Variants in MYO18B observed in about 807,000 individuals in gnomAD.
MYO18B encodes the protein myosin XVIIIB.
A neutral mutation model predicts 273.0 loss-of-function variants in MYO18B; 204 were observed. That is an observed-to-expected ratio of 0.75 (90% CI 0.67 to 0.84). The LOEUF (loss-of-function observed/expected upper bound fraction) is 0.84, where lower values mean the gene tolerates loss of function less well. Among genes scored for constraint, MYO18B ranks in the 40% least tolerant of loss-of-function variants. The pLI is 0.00. For synonymous variants in MYO18B, 1,330 were observed against 1,305.7 expected (o/e 1.02, Z -0.40); for missense variants, 3,212 against 3,287.6 (o/e 0.98, Z 0.56).
In MYO18B at chr22:25,777,665, G is replaced by A. The variant is rs745588543; in HGVS notation, c.1952G>A (p.Arg651Gln). ...QRAYWALLNQ[R>Q]RDQSIVALGW... is the part of the protein sequence containing the mutation. Reference sequence around the variant, plus strand: ...GCATACTGGGCGCTGCTGAACCAGCGGAGAGACCAGAGCATTGTGGCCCTG... The same window carrying A: ...GCATACTGGGCGCTGCTGAACCAGCAGAGAGACCAGAGCATTGTGGCCCTG... The change falls in exon 8 of 44, where the codon CGG becomes CAG. Residue 651 changes from arginine (R) to glutamine (Q), a missense_variant. Physicochemically the swap from Arg to Gln is conservative, Grantham distance 43 (BLOSUM62 1). Coordinates refer to ENST00000335473, the MANE Select transcript of MYO18B (RefSeq NM_032608.7). The A allele has an allele frequency of 1.4e-5, 22 of 1,613,050 alleles. No individual in the cohort carries two copies. Among genetic ancestry groups the A allele is most frequent in the East Asian group, 2.2e-5 (1 of 44,852 alleles).
chr22:25,873,645 G>A (rs1253494922), intron 22 of MYO18B, among the ~76,000 whole-genome samples: 1 of 152,116 alleles, frequency 6.6e-6, no homozygotes, highest in Non-Finnish European at 1.5e-5. Flanking sequence ...TCTCCGTGTT[G>A]GTCAGGCTGG....
the MYO18B span, among the ~76,000 whole-genome samples, chr22:26,043,086 T>C: frequency 6.6e-6 from 1 of 152,198 alleles, no homozygotes; most frequent in African/African-American, 2.4e-5. Flanking sequence ...AAGCAACCAC[T>C]GCCCTGATTT....
At chr22:25,949,872 T>TA (rs1034865247) in intron 36 of MYO18B, among the ~76,000 whole-genome samples, 10 of 152,046 alleles carry the variant, frequency 6.6e-5, no homozygotes, top group South Asian at 4.2e-4. Flanking sequence ...GGTTCTATTT[T>TA]AAAAAAAACC....
intron 17 of MYO18B, among the ~76,000 whole-genome samples, chr22:25,840,216 C>A (rs1221718881): frequency 6.6e-6 from 1 of 152,216 alleles, no homozygotes. Flanking sequence ...CTGATCATAA[C>A]AAGGCCATAT....
intron 1 of MYO18B, among the ~76,000 whole-genome samples, chr22:25,758,222 C>T (rs1484248354): frequency 6.6e-6 from 1 of 152,048 alleles, no homozygotes; most frequent in Non-Finnish European, 1.5e-5. Context: ...CCATGTTGGC[C>T]AGCCTGGTCT....
intron 21 of MYO18B, among the ~76,000 whole-genome samples, chr22:25,857,034 C>T (rs1359552983): frequency 1.3e-5 from 2 of 152,196 alleles, no homozygotes; most frequent in East Asian, 3.8e-4. Flanking sequence ...CAGGCACATA[C>T]TGAAGCCTCC....
In MYO18B at chr22:25,883,710, G is replaced by A. The variant is rs776051309; in HGVS notation, c.4314+5662G>A. 2 of 152,152 alleles carry A rather than the reference G, an allele frequency of 1.3e-5. No individual in the cohort carries two copies. Among genetic ancestry groups the A allele is most frequent in the Admixed American group, 1.3e-4 (2 of 15,276 alleles). 9.4% of individuals were successfully genotyped at this position (152,152 alleles called of 1,614,324 possible). A position where few individuals can be genotyped will look rare whatever the true frequency, so the allele number is the denominator to read the frequency against. ...TGCCACCCCTTTGTCTCTGGAGGGGGAGAAACAGTAATATAAACATTGCTA... is the reference window on the plus strand; with the variant it reads ...TGCCACCCCTTTGTCTCTGGAGGGGAAGAAACAGTAATATAAACATTGCTA... On this transcript the variant is annotated intron_variant, in intron 25 of 43. Coordinates refer to ENST00000335473, the MANE Select transcript of MYO18B (RefSeq NM_032608.7). The surrounding 1 kb of genome is among the most constrained non-coding windows in gnomAD (Gnocchi z 7.6).
At chr22:25,848,987 C>G (rs2090340865) in intron 20 of MYO18B, among the ~76,000 whole-genome samples, 1 of 152,230 alleles carries the variant, frequency 6.6e-6, no homozygotes, top group South Asian at 2.1e-4. Flanking sequence ...AGATGAGACC[C>G]TCACTCCGCT....
At chr22:25,881,429 GCTGT>G (rs1302121963) in intron 25 of MYO18B, among the ~76,000 whole-genome samples, 2 of 152,248 alleles carry the variant, frequency 1.3e-5, no homozygotes, top group African/African-American at 4.8e-5. Context: ...GCGAGAGCAA[GCTGT>G]CTGACCTCTC....
chr22:25,767,978 G>A (rs2086566340), intron 3 of MYO18B, 137 bp from the exon 4 acceptor site: 1 of 846,012 alleles, frequency 1.2e-6, no homozygotes. Context: ...ATGCCTGTTG[G>A]ATTTGGAGGT....
Position 26,001,079 on chromosome 22 carries a change from G to GT in MYO18B, c.6288-2176dup, listed in dbSNP as rs374807216. On this transcript the variant is annotated intron_variant, in intron 40 of 43. Transcript: ENST00000335473. ...AGATTGTCCCTTTAGATTCTTCACTGTTTTTTTTTTCTCCCACATTGTGAC... is the reference window on the plus strand; with the variant it reads ...AGATTGTCCCTTTAGATTCTTCACTGTTTTTTTTTTTCTCCCACATTGTGAC... Among the ~76,000 whole-genome samples the GT allele has an allele frequency of 6.6e-4, 98 of 149,312 alleles. 1 individual carries two copies. The highest frequency in any genetic ancestry group is 3.5e-3 in the Middle Eastern group (1 of 286).
intron 1 of MYO18B, among the ~76,000 whole-genome samples, chr22:25,752,656 A>G (rs2085967916): frequency 7.3e-6 from 1 of 136,116 alleles, no homozygotes; most frequent in Non-Finnish European, 1.6e-5. Context: ...ACACCTGGCT[A>G]ATTAAAAAAA....
intron 18 of MYO18B, 76 bp from the exon 19 acceptor site, chr22:25,846,024 C>A: frequency 7.6e-7 from 1 of 1,321,330 alleles, no homozygotes; most frequent in South Asian, 1.7e-5. Context: ...AGGCTTGTTC[C>A]CTTTGCCACC....
chr22:25,799,244 T>A (rs905077357), intron 12 of MYO18B, among the ~76,000 whole-genome samples: 14 of 151,872 alleles, frequency 9.2e-5, no homozygotes, highest in Non-Finnish European at 1.5e-4. Flanking sequence ...GGTTCCTTTC[T>A]ACAACATAGA....
chr22:25,804,266 C>G (rs1028034887), intron 12 of MYO18B, among the ~76,000 whole-genome samples: 1 of 152,186 alleles, frequency 6.6e-6, no homozygotes, highest in African/African-American at 2.4e-5. Context: ...CACACCATTC[C>G]TCTGTCCCCA....
At chr22:25,800,278 A>T (rs1271826971) in intron 12 of MYO18B, among the ~76,000 whole-genome samples, 1 of 152,250 alleles carries the variant, frequency 6.6e-6, no homozygotes, top group Admixed American at 6.5e-5. Context: ...CTGATCAATC[A>T]CCACTAAAGA....
Position 25,916,192 on chromosome 22 carries a change from T to G in MYO18B, c.5365-5065T>G, listed in dbSNP as rs548309115. On this transcript the variant is annotated intron_variant, in intron 33 of 43. Coordinates refer to ENST00000335473, the MANE Select transcript of MYO18B (RefSeq NM_032608.7). The stretch of plus-strand genomic sequence containing the variant: ...TCTACTGTATCAGATTATTTTCTTT[T>G]TAATCATAATAATGTTTACTTTTGA... Among the ~76,000 whole-genome samples the G allele has an allele frequency of 2.6e-5, 4 of 152,316 alleles. No homozygotes were observed. The South Asian group carries it at 8.3e-4, about 32-fold the overall frequency.
intron 29 of MYO18B, chr22:25,901,375 T>G (rs968832603): frequency 6.6e-6 from 1 of 152,228 alleles, no homozygotes; most frequent in Non-Finnish European, 1.5e-5. Context: ...TGGCAAAGCC[T>G]TCTCTATCGG....
Position 25,910,943 on chromosome 22 carries a change from C to T in MYO18B, c.5260-3C>T. 2 of 1,582,332 alleles carry T rather than the reference C, an allele frequency of 1.3e-6. No individual in the cohort carries two copies. The highest frequency in any genetic ancestry group is 1.7e-6 in the Non-Finnish European group (2 of 1,163,540). ...GTGATGTTTCTTCCCTGTGTATCCA[C>T]AGCTTCATCAGCTGGAAATGCAGCT... On this transcript the variant is annotated splice_region_variant and splice_polypyrimidine_tract_variant and intron_variant, in intron 32 of 43. Coordinates refer to ENST00000335473, the MANE Select transcript of MYO18B (RefSeq NM_032608.7).
Sources: allele counts gnomAD v4.1 joint callset (sites outside exome capture counted in the v4.1 genomes callset), GRCh38; gene constraint gnomAD v4.1.1; non-coding constraint Gnocchi (gnomAD v3.1); transcripts MANE v1.5; gene names NCBI Gene and HGNC (gene_info 2026-07-23, HGNC 2026-07-21).